Variants in YPEL2 observed in about 807,000 individuals in gnomAD.
YPEL2 encodes protein yippee-like 2.
Under a neutral mutation model 19.1 loss-of-function variants are expected in YPEL2, and 2 were observed. The ratio of observed to expected loss-of-function variants is 0.10; its 90% CI spans 0.04 to 0.33. The LOEUF (loss-of-function observed/expected upper bound fraction) is 0.33. Among genes scored for constraint, YPEL2 ranks in the 10% least tolerant of loss-of-function variants. The pLI is 1.00. For missense variants in YPEL2, 66 were observed against 140.7 expected (o/e 0.47, Z 2.68); for synonymous variants, 52 against 50.0 (o/e 1.04, Z -0.17).
intron 1 of YPEL2, among the ~76,000 whole-genome samples, chr17:59,341,633 G>C (rs978556826): frequency 4.6e-5 from 7 of 152,112 alleles, no homozygotes; most frequent in African/African-American, 1.7e-4. Context: ...ACTCCAGCGT[G>C]GGCAACAAGT....
At chr17:59,387,469 A>G (rs1188422944) in intron 2 of YPEL2, among the ~76,000 whole-genome samples, 1 of 151,908 alleles carries the variant, frequency 6.6e-6, no homozygotes, top group East Asian at 1.9e-4. Flanking sequence ...AATTCAGGAC[A>G]CTGTTGTTAG....
At chr17:59,384,890 T>G (rs1268630513) in intron 2 of YPEL2, among the ~76,000 whole-genome samples, 2 of 152,216 alleles carry the variant, frequency 1.3e-5, no homozygotes, top group Non-Finnish European at 2.9e-5. Flanking sequence ...GAAGCTCTGT[T>G]GCTTCCTGTT....
intron 2 of YPEL2, among the ~76,000 whole-genome samples, chr17:59,380,219 C>CAA (rs1463947684): frequency 6.7e-6 from 1 of 149,138 alleles, no homozygotes; most frequent in Non-Finnish European, 1.5e-5. Flanking sequence ...CTAACAGTAA[C>CAA]AAAGTATATA....
chr17:59,355,919 C>G (rs1042938884), intron 2 of YPEL2: 1 of 152,160 alleles, frequency 6.6e-6, no homozygotes, highest in Non-Finnish European at 1.5e-5. Flanking sequence ...GGTGAAATGC[C>G]TGACTGTGGG....
chr17:59,376,280 C>T lies in YPEL2; in HGVS notation c.118-12047C>T, dbSNP rs368964734. 1.2e-4 allele frequency among the ~76,000 whole-genome samples: 19 copies of T among 152,240 alleles called. No homozygotes were observed. The South Asian group carries it at 1.7e-3, about 13-fold the overall frequency. On this transcript the variant is annotated intron_variant, in intron 2 of 4. Transcript: ENST00000312655. ...TGTCGCCCAGGCTGGCATGCAATAG[C>T]GTGATCTGGGCTCACTGCAATCTCT...
At chr17:59,376,924 G>C (rs1340490296) in intron 2 of YPEL2, among the ~76,000 whole-genome samples, 1 of 113,030 alleles carries the variant, frequency 8.8e-6, no homozygotes, top group Non-Finnish European at 1.7e-5. Flanking sequence ...ACTCCAACCT[G>C]AGTGACAAGA....
chr17:59,360,941 C>T (rs566024733), intron 2 of YPEL2, among the ~76,000 whole-genome samples: 10 of 152,250 alleles, frequency 6.6e-5, no homozygotes, highest in Admixed American at 2.6e-4. Context: ...AAGCAATTCT[C>T]GTGCCTCAGC....
intron 1 of YPEL2, among the ~76,000 whole-genome samples, chr17:59,336,945 C>T (rs2047701556): frequency 6.6e-6 from 1 of 152,186 alleles, no homozygotes; most frequent in Admixed American, 6.5e-5. Flanking sequence ...CTATCTGCTC[C>T]TGTGGCGATT....
At chr17:59,332,007 G>A (rs1160111876) in intron 1 of YPEL2, among the ~76,000 whole-genome samples, 183 bp downstream of exon 1, 4 of 151,596 alleles carry the variant, frequency 2.6e-5, no homozygotes, top group Non-Finnish European at 5.9e-5. Context: ...GGGAGCGGCC[G>A]CCGGGCCACG....
intron 1 of YPEL2, among the ~76,000 whole-genome samples, chr17:59,349,963 A>G (rs1052192305): frequency 1.3e-5 from 2 of 152,178 alleles, no homozygotes; most frequent in Non-Finnish European, 2.9e-5. Context: ...CTGGCCCTAC[A>G]GGCCTTTCTT....
At chr17:59,386,926 C>CCAA (rs1435487529) in intron 2 of YPEL2, among the ~76,000 whole-genome samples, 2 of 152,098 alleles carry the variant, frequency 1.3e-5, no homozygotes, top group African/African-American at 4.8e-5. Context: ...TTGGAGGCAA[C>CCAA]CAACAATCCA....
At chr17:59,335,867 C>G (rs1425107017) in intron 1 of YPEL2, among the ~76,000 whole-genome samples, 3 of 152,124 alleles carry the variant, frequency 2.0e-5, no homozygotes, top group Non-Finnish European at 4.4e-5. Context: ...CAAATTTTTG[C>G]GTGGCTGACT....
chr17:59,388,823 T>A, intron 3 of YPEL2: 1 of 195,366 alleles, frequency 5.1e-6, no homozygotes, highest in Non-Finnish European at 1.1e-5. Context: ...ACCTCTTCCC[T>A]GGGAAGGGAA....
intron 2 of YPEL2, among the ~76,000 whole-genome samples, chr17:59,376,942 ACT>A (rs1447977504): frequency 8.3e-6 from 1 of 120,298 alleles, no homozygotes; most frequent in African/African-American, 3.6e-5. Flanking sequence ...AGAGCAACAC[ACT>A]GTCTCAAAAA....
At chr17:59,377,372 G>T (rs1027371535) in intron 2 of YPEL2, among the ~76,000 whole-genome samples, 1 of 152,080 alleles carries the variant, frequency 6.6e-6, no homozygotes, top group East Asian at 1.9e-4. Flanking sequence ...AACTGCAGAG[G>T]GCCCAGCTCT....
intron 1 of YPEL2, among the ~76,000 whole-genome samples, chr17:59,352,636 A>G (rs1345621209): frequency 6.6e-6 from 1 of 152,248 alleles, no homozygotes; most frequent in Non-Finnish European, 1.5e-5. Context: ...GAGCTGGCTT[A>G]GCACTAGGGA....
intron 2 of YPEL2, among the ~76,000 whole-genome samples, chr17:59,383,323 G>T (rs2047959284): frequency 6.6e-6 from 1 of 151,648 alleles, no homozygotes; most frequent in Non-Finnish European, 1.5e-5. Context: ...TCTAGGCCGG[G>T]CGTGGTGGCT....
At chr17:59,351,877 T>C (rs138410029) in intron 1 of YPEL2, among the ~76,000 whole-genome samples, 70 of 152,310 alleles carry the variant, frequency 4.6e-4, no homozygotes, top group African/African-American at 1.5e-3. Context: ...GTGGCTGATA[T>C]TGTCCTTCAG....
intron 2 of YPEL2, among the ~76,000 whole-genome samples, chr17:59,357,104 G>T (rs975374429): frequency 6.6e-6 from 1 of 152,176 alleles, no homozygotes; most frequent in Admixed American, 6.5e-5. Flanking sequence ...GGATTGTTAT[G>T]AGGCTCAGCT....
Sources: allele counts gnomAD v4.1 joint callset (sites outside exome capture counted in the v4.1 genomes callset), GRCh38; gene constraint gnomAD v4.1.1; transcripts MANE v1.5; gene names NCBI Gene and HGNC (gene_info 2026-07-23, HGNC 2026-07-21).